IKZF1: variants seen among roughly 807,000 people sequenced by gnomAD.
The protein encoded by IKZF1 is DNA-binding protein Ikaros.
In IKZF1, 10 loss-of-function variants were observed where a neutral mutation model predicts 51.7. The observed-to-expected ratio is 0.19, with a 90% CI of 0.12 to 0.33. IKZF1 has a LOEUF of 0.33. IKZF1 is among the 10% of genes least tolerant of loss of function. The pLI, the probability that IKZF1 is intolerant of heterozygous loss-of-function variation, is 1.00. For missense variants in IKZF1, 484 were observed against 707.5 expected (o/e 0.68, Z 3.58); for synonymous variants, 280 against 282.3 (o/e 0.99, Z 0.08).
chr7:50,382,964 G>A (rs1812285868), intron 5 of IKZF1, among the ~76,000 whole-genome samples: 1 of 152,166 alleles, frequency 6.6e-6, no homozygotes, highest in Non-Finnish European at 1.5e-5. Context: ...ACCTTAGGTA[G>A]CATGTTTCAG....
At chr7:50,391,643 T>A in intron 6 of IKZF1, 86 bp from the exon 7 acceptor site, 1 of 1,550,032 alleles carries the variant, frequency 6.5e-7, no homozygotes, top group Non-Finnish European at 8.7e-7. Flanking sequence ...TGTAGGCACT[T>A]AACAAATGTC....
rs1476647698 is a variant in IKZF1 at position 50,318,918 on chromosome 7, G to C, written c.-14-130G>C. 3 of 591,612 alleles carry C rather than the reference G, an allele frequency of 5.1e-6. No homozygotes were observed. In the Admixed American group the frequency reaches 7.7e-5, roughly 15 times the overall value. The allele number at this position is 591,612 out of a possible 1,614,324, so 36.6% of individuals were successfully genotyped here. On this transcript the variant is annotated intron_variant, in intron 1 of 7. Coordinates refer to ENST00000331340, the MANE Select transcript of IKZF1 (RefSeq NM_006060.6). ...GTCTGATACTCCAGCAAGTATGTGA[G>C]GAGGAAAATGCATTATTCTTGCTAG... is the stretch of plus-strand genomic sequence containing the variant.
chr7:50,313,056 G>A (rs1361751833), intron 1 of IKZF1, among the ~76,000 whole-genome samples: 1 of 152,178 alleles, frequency 6.6e-6, no homozygotes, highest in Non-Finnish European at 1.5e-5. Context: ...AAATTGTTAC[G>A]AAAACCTATA....
intron 1 of IKZF1, among the ~76,000 whole-genome samples, chr7:50,315,587 A>AT (rs1168625642): frequency 2.0e-5 from 3 of 152,140 alleles, no homozygotes; most frequent in African/African-American, 7.2e-5. Flanking sequence ...ATATTGTTGT[A>AT]TTTTTTACTA....
chr7:50,333,738 T>TCTTGTTCAC lies in IKZF1; in HGVS notation c.160+5986_160+5994dup, dbSNP rs1796931208. Among the ~76,000 whole-genome samples the TCTTGTTCAC allele has an allele frequency of 2.6e-5, 4 of 152,346 alleles. No homozygotes were observed. The South Asian group carries it at 8.3e-4, about 32-fold the overall frequency. ...ATAACTGAAAGCATATTATTTGGAT[T>TCTTGTTCAC]CTTGTTCACCTTGCTTTTTTAGTTC... On this transcript the variant is annotated intron_variant, in intron 3 of 7. Transcript: ENST00000331340.
intron 3 of IKZF1, among the ~76,000 whole-genome samples, chr7:50,334,245 A>G (rs1036568162): frequency 4.6e-5 from 7 of 152,242 alleles, no homozygotes; most frequent in African/African-American, 1.7e-4. Context: ...AGGTTTTGGA[A>G]TAGACCGGTG....
rs188688407 is a variant in IKZF1 at position 50,390,406 on chromosome 7, T to C, written c.716-1323T>C. On this transcript the variant is annotated intron_variant, in intron 6 of 7. Transcript: ENST00000331340. ...TGCATATAAATCAGGGTGTGGCCTA[T>C]ATATGTTTGCCCATTTAATAAAAAA... Among the ~76,000 whole-genome samples, 52 of 152,380 alleles carry C rather than the reference T, an allele frequency of 3.4e-4. 1 individual carries two copies. The highest frequency in any genetic ancestry group is 3.4e-3 in the Middle Eastern group (1 of 294).
chr7:50,404,342 CA>C lies in IKZF1; in HGVS notation c.*3717del, dbSNP rs1373420172. On this transcript the variant is annotated 3_prime_UTR_variant, in exon 8 of 8. Transcript: ENST00000331340. The stretch of plus-strand genomic sequence containing the variant: ...TAAATTATTGCTGTTTAGCTGTGAA[CA>C]AGGGATGTACCACTGGAGGAATAGA... 4.4e-6 allele frequency: 1 copy of C among 224,954 alleles called. No homozygotes were observed. Among genetic ancestry groups the C allele is most frequent in the Admixed American group, 5.7e-5 (1 of 17,452 alleles). The allele number at this position is 224,954 out of a possible 1,614,324, so 13.9% of individuals were successfully genotyped here.
chr7:50,313,548 T>C (rs7804185), intron 1 of IKZF1, among the ~76,000 whole-genome samples: 58,333 of 152,104 alleles, frequency 0.38, 11,595 homozygotes, highest in East Asian at 0.6. Flanking sequence ...ATTTGGAGTG[T>C]GCGACCCCTG....
At chr7:50,392,574 A>G (rs1044689863) in intron 7 of IKZF1, among the ~76,000 whole-genome samples, 3 of 151,892 alleles carry the variant, frequency 2.0e-5, no homozygotes, top group African/African-American at 7.3e-5. Flanking sequence ...CCACTCACCA[A>G]CTCTGTCAGC....
chr7:50,322,584 T>C (rs948580807), intron 2 of IKZF1, among the ~76,000 whole-genome samples: 6 of 152,244 alleles, frequency 3.9e-5, no homozygotes, highest in African/African-American at 1.4e-4. Flanking sequence ...TAAAGCAAGC[T>C]ACCCTTTCCT....
intron 3 of IKZF1, among the ~76,000 whole-genome samples, chr7:50,356,807 GAC>G (rs1803543898): frequency 6.6e-6 from 1 of 152,106 alleles, no homozygotes; most frequent in African/African-American, 2.4e-5. Context: ...GTTACAAGAT[GAC>G]ACACAAGCAC....
At chr7:50,377,101 A>G (rs1810497604) in intron 4 of IKZF1, 1 of 365,728 alleles carries the variant, frequency 2.7e-6, no homozygotes, top group Non-Finnish European at 5.0e-6. Flanking sequence ...GTCTCAGCTG[A>G]GCCCTCAGGG....
At chr7:50,336,259 C>A (rs1797756698) in intron 3 of IKZF1, among the ~76,000 whole-genome samples, 1 of 151,064 alleles carries the variant, frequency 6.6e-6, no homozygotes, top group African/African-American at 2.4e-5. Flanking sequence ...CCGGCGGGGG[C>A]AGGGGGAGGG....
At chr7:50,354,745 G>A (rs115629318) in intron 3 of IKZF1, among the ~76,000 whole-genome samples, 1,730 of 152,040 alleles carry the variant, frequency 0.011, 38 homozygotes, top group African/African-American at 0.04. Flanking sequence ...AACCCATACC[G>A]TTGGTTACAG....
At chr7:50,340,233 C>T (rs1798759594) in intron 3 of IKZF1, among the ~76,000 whole-genome samples, 1 of 152,196 alleles carries the variant, frequency 6.6e-6, no homozygotes, top group Admixed American at 6.5e-5. Context: ...ACTGAAGAGC[C>T]GTTTGGTGCC....
chr7:50,382,774 G>T, intron 5 of IKZF1, 67 bp downstream of exon 5: 8 of 1,513,204 alleles, frequency 5.3e-6, no homozygotes, highest in Non-Finnish European at 7.1e-6. Context: ...TGCCCGCCTG[G>T]GTCCCGGATT....
At chr7:50,327,895 G>A in intron 3 of IKZF1, 138 bp downstream of exon 3, 1 of 1,005,152 alleles carries the variant, frequency 9.9e-7, no homozygotes, top group Non-Finnish European at 1.4e-6. Flanking sequence ...ATGGCACAAA[G>A]ATCAGCAGGA....
intron 3 of IKZF1, among the ~76,000 whole-genome samples, chr7:50,340,243 C>T (rs1333530515): frequency 6.6e-6 from 1 of 152,186 alleles, no homozygotes; most frequent in Non-Finnish European, 1.5e-5. Flanking sequence ...CGTTTGGTGC[C>T]CTAATTTCAG....
Sources: allele counts gnomAD v4.1 joint callset (sites outside exome capture counted in the v4.1 genomes callset), GRCh38; gene constraint gnomAD v4.1.1; transcripts MANE v1.5; gene names NCBI Gene and HGNC (gene_info 2026-07-23, HGNC 2026-07-21).